Variants in ZNF407 observed in about 807,000 individuals in gnomAD.
The protein encoded by ZNF407 is zinc finger protein 407.
ZNF407 carries 17 observed loss-of-function variants against 131.2 expected under a neutral mutation model. The observed-to-expected ratio is 0.13, with a 90% CI of 0.09 to 0.19. The LOEUF is 0.19. Ranked by LOEUF, ZNF407 falls within the 10% of genes least tolerant of loss-of-function variation. The pLI is 1.00. For synonymous variants in ZNF407, 1,156 were observed against 1,062.0 expected (o/e 1.09, Z -1.72); for missense variants, 2,681 against 2,830.6 (o/e 0.95, Z 1.20).
At chr18:74,772,803 A>G (rs1969388877) in intron 3 of ZNF407, among the ~76,000 whole-genome samples, 1 of 152,166 alleles carries the variant, frequency 6.6e-6, no homozygotes, top group Admixed American at 6.6e-5. Context: ...TGTGGAGTGA[A>G]TTGTATGGGA....
At chr18:74,975,251 C>A (rs1182075111) in intron 8 of ZNF407, among the ~76,000 whole-genome samples, 1 of 152,182 alleles carries the variant, frequency 6.6e-6, no homozygotes, top group African/African-American at 2.4e-5. Context: ...TCAGCATTGG[C>A]TTGTACAGTA....
intron 3 of ZNF407, among the ~76,000 whole-genome samples, chr18:74,656,503 A>G (rs1216912293): frequency 2.0e-5 from 3 of 152,152 alleles, no homozygotes; most frequent in African/African-American, 7.2e-5. Flanking sequence ...TAATAATGCA[A>G]ACAATATTAG....
intron 4 of ZNF407, among the ~76,000 whole-genome samples, chr18:74,843,241 G>A (rs984406948): frequency 2.0e-5 from 3 of 151,530 alleles, no homozygotes; most frequent in African/African-American, 7.3e-5. Flanking sequence ...CATCTTCTTT[G>A]GAAACTAACC....
chr18:74,776,705 G>A (rs1329599569), intron 3 of ZNF407, among the ~76,000 whole-genome samples: 1 of 152,124 alleles, frequency 6.6e-6, no homozygotes. Context: ...CCAAGTATAA[G>A]TTTTGACTCC....
At chr18:74,961,469 A>G (rs1972342749) in intron 8 of ZNF407, among the ~76,000 whole-genome samples, 1 of 152,170 alleles carries the variant, frequency 6.6e-6, no homozygotes, top group South Asian at 2.1e-4. Context: ...CTGTAATTTC[A>G]GCACTTTGGG....
intron 6 of ZNF407, 137 bp downstream of exon 6, chr18:74,881,256 C>A: frequency 3.0e-6 from 2 of 665,040 alleles, no homozygotes; most frequent in Non-Finnish European, 2.4e-6. Context: ...ACAGATAATT[C>A]CAGTTGAATA....
intron 4 of ZNF407, among the ~76,000 whole-genome samples, chr18:74,859,560 A>G (rs767131881): frequency 2.6e-5 from 4 of 152,206 alleles, no homozygotes; most frequent in Admixed American, 1.3e-4. Context: ...TAGAAAGATA[A>G]TTAAGGAGGA....
At chr18:74,650,092 A>G (rs1027131642) in intron 3 of ZNF407, among the ~76,000 whole-genome samples, 12 of 152,356 alleles carry the variant, frequency 7.9e-5, no homozygotes, top group South Asian at 2.1e-4. Context: ...AATTATATCT[A>G]AAATCAGCTG....
At chr18:74,979,201 A>C (rs980886641) in intron 8 of ZNF407, among the ~76,000 whole-genome samples, 2 of 152,172 alleles carry the variant, frequency 1.3e-5, no homozygotes, top group African/African-American at 2.4e-5. Context: ...ACTTGGTGCA[A>C]TAGCTTCGTG....
At chr18:74,627,040 C>T (rs1451492265) in intron 1 of ZNF407, among the ~76,000 whole-genome samples, 3 of 152,162 alleles carry the variant, frequency 2.0e-5, no homozygotes, top group African/African-American at 4.8e-5. Flanking sequence ...CTATGGCCTT[C>T]GTACTTTCTT....
At chr18:74,815,425 C>T (rs1205279840) in intron 4 of ZNF407, among the ~76,000 whole-genome samples, 2 of 152,116 alleles carry the variant, frequency 1.3e-5, no homozygotes, top group Non-Finnish European at 2.9e-5. Flanking sequence ...CAGTGGTGTG[C>T]ACTTTTGTCT....
chr18:74,632,546 G>C lies in ZNF407; in HGVS notation c.1527G>C (p.Pro509=). The part of the protein sequence containing the change: ...AEQGQGSARP[P]DSGLHSLTVK... ...AGGGCCAGGGGAGTGCCCGTCCTCC[G>C]GACTCCGGGCTGCATTCCCTGACAG... Residue 509 remains proline, a synonymous_variant, in exon 2 of 9, where the codon CCG becomes CCC. Transcript: ENST00000299687. The C allele has an allele frequency of 1.2e-6, 2 of 1,614,018 alleles. No individual in the cohort carries two copies. The highest frequency in any genetic ancestry group is 1.7e-6 in the Non-Finnish European group (2 of 1,179,902).
intron 3 of ZNF407, among the ~76,000 whole-genome samples, chr18:74,718,250 C>T (rs982508168): frequency 6.6e-6 from 1 of 151,162 alleles, no homozygotes; most frequent in South Asian, 2.1e-4. Context: ...CCAGAGATTA[C>T]TTTTCGTCAC....
At chr18:74,645,358 T>A (rs1453666219) in intron 3 of ZNF407, among the ~76,000 whole-genome samples, 1 of 152,054 alleles carries the variant, frequency 6.6e-6, no homozygotes, top group Non-Finnish European at 1.5e-5. Context: ...GATATGCCAT[T>A]ATTGAGAAGC....
chr18:74,679,678 C>T (rs1966935166), intron 3 of ZNF407, among the ~76,000 whole-genome samples: 1 of 152,144 alleles, frequency 6.6e-6, no homozygotes, highest in Non-Finnish European at 1.5e-5. Context: ...ATAGTTTTTC[C>T]TCACACACAG....
At chr18:74,849,902 C>A (rs1970757626) in intron 4 of ZNF407, among the ~76,000 whole-genome samples, 1 of 152,196 alleles carries the variant, frequency 6.6e-6, no homozygotes, top group African/African-American at 2.4e-5. Flanking sequence ...TTTGTTTTTA[C>A]TGGTCTTTGA....
intron 4 of ZNF407, among the ~76,000 whole-genome samples, chr18:74,784,767 T>C (rs1235262231): frequency 6.6e-6 from 1 of 152,250 alleles, no homozygotes; most frequent in Non-Finnish European, 1.5e-5. Context: ...CAAAGCATCT[T>C]TATGACTCTT....
intron 8 of ZNF407, among the ~76,000 whole-genome samples, chr18:74,983,296 G>A (rs185346404): frequency 6.6e-5 from 10 of 152,236 alleles, no homozygotes; most frequent in African/African-American, 2.4e-4. Context: ...CTCACTTGGG[G>A]GTATGGCCCC....
At chr18:74,895,284 T>C (rs1222784672) in intron 7 of ZNF407, among the ~76,000 whole-genome samples, 1 of 152,054 alleles carries the variant, frequency 6.6e-6, no homozygotes, top group Non-Finnish European at 1.5e-5. Context: ...CAGATAGTGA[T>C]GCTCAACTAG....
Sources: allele counts gnomAD v4.1 joint callset (sites outside exome capture counted in the v4.1 genomes callset), GRCh38; gene constraint gnomAD v4.1.1; transcripts MANE v1.5; gene names NCBI Gene and HGNC (gene_info 2026-07-23, HGNC 2026-07-21).